WARS2: variants seen among roughly 807,000 people sequenced by gnomAD.
WARS2 encodes tryptophanyl tRNA synthetase 2, mitochondrial, also known as tryptophan--tRNA ligase, mitochondrial.
In WARS2, 28 loss-of-function variants were observed where a neutral mutation model predicts 36.5. The observed-to-expected ratio is 0.77, with a 90% CI of 0.57 to 1.05. The LOEUF is 1.05. WARS2 is among the 50% of genes least tolerant of loss of function. The pLI, the probability that WARS2 is intolerant of heterozygous loss-of-function variation, is 0.00. For synonymous variants in WARS2, 174 were observed against 178.4 expected, an observed-to-expected ratio of 0.98 and a Z score of 0.20; for missense variants, 435 against 456.8, an observed-to-expected ratio of 0.95 and a Z score of 0.44.
Position 119,098,203 on chromosome 1 carries a change from C to T in WARS2, c.91-21596G>A, listed in dbSNP as rs746535349. 1.6e-4 allele frequency among the ~76,000 whole-genome samples: 24 copies of T among 151,970 alleles called. 1 individual carries two copies. The highest frequency in any genetic ancestry group is 6.8e-3 in the Middle Eastern group (2 of 294). ...GGTGGAGGTTGCAGTGAGCCAAGAT[C>T]GTGCCACTGCACTCCAACCAGGGCA... On this transcript the variant is annotated intron_variant, in intron 1 of 5. Coordinates refer to ENST00000235521, the MANE Select transcript of WARS2 (RefSeq NM_015836.4).
intron 1 of WARS2, among the ~76,000 whole-genome samples, chr1:119,097,271 G>A (rs587635800): frequency 9.2e-5 from 14 of 152,210 alleles, no homozygotes; most frequent in South Asian, 8.3e-4. Context: ...CCCAATTACC[G>A]ATCAGATGTT....
At chr1:119,075,933 C>CTA (rs1651691253) in intron 2 of WARS2, among the ~76,000 whole-genome samples, 1 of 152,162 alleles carries the variant, frequency 6.6e-6, no homozygotes, top group African/African-American at 2.4e-5. Flanking sequence ...AACAGACCTT[C>CTA]TAAATAGAAC....
intron 1 of WARS2, among the ~76,000 whole-genome samples, chr1:119,131,524 G>A (rs914546304): frequency 6.7e-6 from 1 of 149,232 alleles, no homozygotes; most frequent in East Asian, 2.0e-4. Context: ...GTGCAGTGGC[G>A]CGATCTCGGC....
At chr1:119,081,635 T>C (rs1652198101) in intron 1 of WARS2, among the ~76,000 whole-genome samples, 1 of 152,248 alleles carries the variant, frequency 6.6e-6, no homozygotes, top group Admixed American at 6.5e-5. Flanking sequence ...TCTATAAGTC[T>C]ATTTATTCTT....
rs144051872 is a variant in WARS2 at position 119,110,308 on chromosome 1, C to T, written c.90+30247G>A. The stretch of plus-strand genomic sequence containing the variant: ...GAAGAACTTCTTTTAACATTTCTTG[C>T]AAGGCAGGTGTCCTGTAACAAATTC... On this transcript the variant is annotated intron_variant, in intron 1 of 5. Coordinates refer to ENST00000235521, the MANE Select transcript of WARS2 (RefSeq NM_015836.4). Among the ~76,000 whole-genome samples the T allele has an allele frequency of 9.7e-4, 148 of 152,124 alleles. 3 individuals are homozygous for T. In the East Asian group the frequency reaches 0.028, roughly 28 times the overall value.
At position 119,045,562 on chromosome 1, in the gene WARS2, A is replaced by G. The variant is rs761947753; in HGVS notation, c.429+20T>C. ...AAAATAGCTTCTTGTCTGTTTATTA[A>G]TCAGATTACTGGCATTTACCTTCCA... On this transcript the variant is annotated intron_variant, in intron 3 of 5. Coordinates refer to ENST00000235521, the MANE Select transcript of WARS2 (RefSeq NM_015836.4). 23 of 1,574,254 alleles carry G rather than the reference A, an allele frequency of 1.5e-5. No individual in the cohort carries two copies. The highest frequency in any genetic ancestry group is 1.1e-4 in the East Asian group (5 of 43,964).
chr1:119,132,378 C>T (rs952987635), intron 1 of WARS2, among the ~76,000 whole-genome samples: 3 of 152,118 alleles, frequency 2.0e-5, no homozygotes, highest in African/African-American at 7.2e-5. Flanking sequence ...GTCGGTGGGC[C>T]AATCTGACTC....
chr1:119,079,338 T>G (rs1364886107), intron 1 of WARS2, among the ~76,000 whole-genome samples: 1 of 152,136 alleles, frequency 6.6e-6, no homozygotes, highest in Non-Finnish European at 1.5e-5. Flanking sequence ...TCTTCAAGAG[T>G]ACTTTATCCA....
At chr1:119,074,906 T>A (rs952141748) in intron 2 of WARS2, among the ~76,000 whole-genome samples, 22 of 152,058 alleles carry the variant, frequency 1.4e-4, no homozygotes, top group African/African-American at 5.3e-4. Flanking sequence ...AAATCAAATA[T>A]TGCATGTTCT....
intron 1 of WARS2, among the ~76,000 whole-genome samples, chr1:119,092,101 AATATAAAGAGAGTTT>A (rs1653089106): frequency 6.6e-6 from 1 of 152,178 alleles, no homozygotes; most frequent in South Asian, 2.1e-4. Flanking sequence ...AAAGAGTGAG[AATATAAAGAGAGTTT>A]GTAATGAAGT....
At chr1:119,088,468 A>AC (rs56283720) in intron 1 of WARS2, among the ~76,000 whole-genome samples, 2 of 150,048 alleles carry the variant, frequency 1.3e-5, no homozygotes, top group East Asian at 1.9e-4. Flanking sequence ...ACACACACAC[A>AC]AATAAAAGGA....
intron 1 of WARS2, among the ~76,000 whole-genome samples, chr1:119,102,853 C>T (rs1052256634): frequency 3.9e-5 from 6 of 152,178 alleles, no homozygotes; most frequent in African/African-American, 1.4e-4. Flanking sequence ...CTTCAATGAT[C>T]TCTTTGAATC....
intron 2 of WARS2, among the ~76,000 whole-genome samples, chr1:119,065,411 C>T (rs1305823795): frequency 6.6e-6 from 1 of 151,836 alleles, no homozygotes; most frequent in East Asian, 1.9e-4. Flanking sequence ...GCAGGCAGAT[C>T]ACTTGAGGTC....
chr1:119,079,516 G>A (rs587691301), intron 1 of WARS2, among the ~76,000 whole-genome samples: 2 of 152,124 alleles, frequency 1.3e-5, no homozygotes, highest in South Asian at 2.1e-4. Flanking sequence ...AGATTGTTTC[G>A]GGGAGAACTG....
chr1:119,046,375 G>T, intron 2 of WARS2, among the ~76,000 whole-genome samples: 1 of 135,100 alleles, frequency 7.4e-6, no homozygotes, highest in Non-Finnish European at 1.5e-5. Flanking sequence ...TTGAGACAGA[G>T]TCTCACTCTG....
At chr1:119,066,751 A>G (rs573124439) in intron 2 of WARS2, among the ~76,000 whole-genome samples, 1 of 152,298 alleles carries the variant, frequency 6.6e-6, no homozygotes, top group African/African-American at 2.4e-5. Flanking sequence ...TATGTCTAAT[A>G]ACACCAAATG....
Position 119,049,010 on chromosome 1 carries a change from C to T in WARS2, c.349-3348G>A, listed in dbSNP as rs541235227. 1.1e-4 allele frequency among the ~76,000 whole-genome samples: 16 copies of T among 152,280 alleles called. 3 individuals are homozygous for T. Among genetic ancestry groups the T allele is most frequent in the African/African-American group, 3.9e-4 (16 of 41,546 alleles). On this transcript the variant is annotated intron_variant, in intron 2 of 5. Transcript: ENST00000235521. ...TCCGGGAGGCAAAGGCTGCAGTGAG[C>T]TGAGATCGCGGAGACCAAGCCATTG...
At chr1:119,056,919 G>A (rs1257034153) in intron 2 of WARS2, among the ~76,000 whole-genome samples, 1 of 152,016 alleles carries the variant, frequency 6.6e-6, no homozygotes, top group East Asian at 1.9e-4. Flanking sequence ...TGGGTCACGT[G>A]GTAAGTATAC....
At chr1:119,140,369 C>T (rs12065876) in intron 1 of WARS2, 186 bp downstream of exon 1, 33 of 448,356 alleles carry the variant, frequency 7.4e-5, no homozygotes, top group African/African-American at 6.7e-4. Flanking sequence ...ACCTTTACGT[C>T]ATCACGTATC....
Sources: gnomAD v4.1 joint callset for allele counts (sites outside exome capture counted in the v4.1 genomes callset) on GRCh38, gnomAD v4.1.1 for gene constraint, MANE v1.5 for transcripts, NCBI Gene and HGNC (gene_info 2026-07-23, HGNC 2026-07-21) for gene names.